Variants in C1GALT1 observed in about 807,000 individuals in gnomAD.
C1GALT1 encodes the protein glycoprotein-N-acetylgalactosamine 3-beta-galactosyltransferase 1.
C1GALT1 carries 11 observed loss-of-function variants against 31.0 expected under a neutral mutation model. The ratio of observed to expected loss-of-function variants is 0.36; its 90% confidence interval spans 0.22 to 0.59. The LOEUF (loss-of-function observed/expected upper bound fraction) is 0.59, where lower values mean the gene tolerates loss of function less well. Among genes scored for constraint, C1GALT1 ranks in the 20% least tolerant of loss-of-function variants. C1GALT1 has a pLI of 0.79. For synonymous variants in C1GALT1, 175 were observed against 143.6 expected (o/e 1.22, Z -1.56); for missense variants, 424 against 425.2 (o/e 1.00, Z 0.03).
At chr7:7,191,624 A>AT in intron 1 of C1GALT1, among the ~76,000 whole-genome samples, 1 of 151,874 alleles carries the variant, frequency 6.6e-6, no homozygotes, top group East Asian at 1.9e-4. Flanking sequence ...GTTTCTCCAC[A>AT]TTCTCTTCAA....
At chr7:7,160,899 A>G (rs1272754169) in intron 2 of C1GALT1, among the ~76,000 whole-genome samples, 2 of 152,156 alleles carry the variant, frequency 1.3e-5, no homozygotes, top group African/African-American at 4.8e-5. Flanking sequence ...CTATACACAC[A>G]AACACAGTAC....
At chr7:7,174,987 T>C (rs1780490404) in intron 2 of C1GALT1, among the ~76,000 whole-genome samples, 1 of 152,192 alleles carries the variant, frequency 6.6e-6, no homozygotes, top group African/African-American at 2.4e-5. Context: ...TCCATTTATT[T>C]TGTTCCTTTG....
chr7:7,241,331 A>G (rs1175422962), intron 3 of C1GALT1, among the ~76,000 whole-genome samples: 3 of 151,966 alleles, frequency 2.0e-5, no homozygotes, highest in Non-Finnish European at 2.9e-5. Context: ...AACCTTACTT[A>G]TAGTAGGATC....
intron 1 of C1GALT1, among the ~76,000 whole-genome samples, chr7:7,227,205 CTAATA>C (rs1358841274): frequency 1.3e-5 from 2 of 152,094 alleles, no homozygotes; most frequent in East Asian, 3.8e-4. Context: ...AACGAGATGA[CTAATA>C]TAATTCCCAT....
chr7:7,176,592 G>A (rs1202519073), intron 2 of C1GALT1, among the ~76,000 whole-genome samples: 1 of 152,168 alleles, frequency 6.6e-6, no homozygotes, highest in African/African-American at 2.4e-5. Context: ...CAGTGCACAC[G>A]TGACAGTCTC....
At chr7:7,233,858 C>T (rs1402342539) in intron 1 of C1GALT1, among the ~76,000 whole-genome samples, 5 of 152,066 alleles carry the variant, frequency 3.3e-5, no homozygotes, top group Admixed American at 1.3e-4. Context: ...CCACATGAGA[C>T]CCAAAAAGCC....
At chr7:7,241,884 G>A (rs1166800768) in intron 3 of C1GALT1, among the ~76,000 whole-genome samples, 2 of 151,754 alleles carry the variant, frequency 1.3e-5, no homozygotes, top group African/African-American at 4.8e-5. Flanking sequence ...TGGCCATCCA[G>A]TAAAATATAA....
chr7:7,225,183 A>G (rs1367925096), intron 1 of C1GALT1, among the ~76,000 whole-genome samples: 1 of 152,132 alleles, frequency 6.6e-6, no homozygotes, highest in Non-Finnish European at 1.5e-5. Context: ...GTCTTGAGGT[A>G]GAAGCTTAAA....
chr7:7,178,274 A>C (rs534612801), upstream of C1GALT1: 1 of 232,526 alleles, frequency 4.3e-6, no homozygotes, highest in East Asian at 1.1e-4. Context: ...AATGTTGCAG[A>C]GAGAGTCATC....
chr7:7,176,759 C>A (rs1467435753), intron 2 of C1GALT1, among the ~76,000 whole-genome samples: 1 of 152,128 alleles, frequency 6.6e-6, no homozygotes, highest in Non-Finnish European at 1.5e-5. Context: ...ACCAGCCATT[C>A]CAATTGTCTC....
intron 1 of C1GALT1, among the ~76,000 whole-genome samples, chr7:7,189,468 G>C (rs995172776): frequency 6.6e-6 from 1 of 151,754 alleles, no homozygotes; most frequent in Non-Finnish European, 1.5e-5. Context: ...CAATATGTTA[G>C]GTTAAAAATA....
At chr7:7,181,281 G>A (rs1583734427), upstream of C1GALT1, among the ~76,000 whole-genome samples, 1 of 152,124 alleles carries the variant, frequency 6.6e-6, no homozygotes, top group Non-Finnish European at 1.5e-5. Context: ...GGGGGAGGAG[G>A]CTGAGCAACA....
Position 7,191,492 on chromosome 7 carries a change from C to T in C1GALT1, c.-18+8672C>T, listed in dbSNP as rs1005941719. The stretch of plus-strand genomic sequence containing the variant: ...AACCCTGCTCTCATTGGGTATATAT[C>T]CAGAAGTGGAATTGCTGGATCATAT... On this transcript the variant is annotated intron_variant, in intron 1 of 3. Transcript: ENST00000436587. Among the ~76,000 whole-genome samples, 4 of 152,050 alleles carry T rather than the reference C, an allele frequency of 2.6e-5. 1 individual carries two copies. The highest frequency in any genetic ancestry group is 9.7e-5 in the African/African-American group (4 of 41,408).
intron 1 of C1GALT1, among the ~76,000 whole-genome samples, chr7:7,205,252 TC>T (rs957655451): frequency 1.3e-5 from 2 of 152,030 alleles, no homozygotes; most frequent in Non-Finnish European, 2.9e-5. Context: ...AGGGATGCTA[TC>T]CCCCCCACGG....
intron 1 of C1GALT1, among the ~76,000 whole-genome samples, chr7:7,193,099 G>C (rs536850728): frequency 3.5e-4 from 53 of 152,056 alleles, no homozygotes; most frequent in African/African-American, 1.2e-3. Context: ...TCTCCACTCT[G>C]TGGGTTGTCT....
chr7:7,228,292 A>G (rs1432486525), intron 1 of C1GALT1, among the ~76,000 whole-genome samples: 2 of 152,196 alleles, frequency 1.3e-5, no homozygotes, highest in Non-Finnish European at 2.9e-5. Context: ...AAATTAAAAT[A>G]TAAATTTTAG....
At chr7:7,171,084 C>G (rs952579045) in intron 2 of C1GALT1, among the ~76,000 whole-genome samples, 1 of 141,374 alleles carries the variant, frequency 7.1e-6, no homozygotes, top group African/African-American at 2.6e-5. Flanking sequence ...ATGTATTCTG[C>G]TGTTATTGGG....
chr7:7,243,912 G>C lies in C1GALT1; in HGVS notation c.*185G>C. ...TGAGCTGTGAAGTGTGTTAAAATGT[G>C]TTTTGATACAGTAATATATAAATAT... On this transcript the variant is annotated 3_prime_UTR_variant, in exon 4 of 4. Transcript: ENST00000436587. 1 of 451,386 alleles carries C rather than the reference G, an allele frequency of 2.2e-6. No individual in the cohort carries two copies. The highest frequency in any genetic ancestry group is 3.9e-6 in the Non-Finnish European group (1 of 256,916). 28.0% of individuals were successfully genotyped at this position (451,386 alleles called of 1,614,324 possible).
intron 2 of C1GALT1, among the ~76,000 whole-genome samples, chr7:7,159,142 G>T (rs764764601): frequency 1.3e-5 from 2 of 152,130 alleles, no homozygotes; most frequent in Non-Finnish European, 2.9e-5. Context: ...TCATGAAGGT[G>T]TTATAAAATC....
Sources: allele counts gnomAD v4.1 joint callset (sites outside exome capture counted in the v4.1 genomes callset), GRCh38; gene constraint gnomAD v4.1.1; transcripts MANE v1.5; gene names NCBI Gene and HGNC (gene_info 2026-07-23, HGNC 2026-07-21).